Variants in KHDRBS2 observed in about 807,000 individuals in gnomAD.
The protein encoded by KHDRBS2 is KH domain-containing, RNA-binding, signal transduction-associated protein 2.
In KHDRBS2, 26 loss-of-function variants were observed where a neutral mutation model predicts 44.3. That is an observed-to-expected ratio of 0.59 (90% CI 0.43 to 0.81). The LOEUF (loss-of-function observed/expected upper bound fraction) is 0.81, where lower values mean the gene tolerates loss of function less well. Ranked by LOEUF, KHDRBS2 falls within the 40% of genes least tolerant of loss-of-function variation. KHDRBS2 has a pLI of 0.00. For synonymous variants in KHDRBS2, 194 were observed against 151.1 expected (o/e 1.28, Z -2.08); for missense variants, 476 against 433.1 (o/e 1.10, Z -0.88).
At chr6:61,648,702 G>T in the KHDRBS2 span, among the ~76,000 whole-genome samples, 1 of 152,134 alleles carries the variant, frequency 6.6e-6, no homozygotes, top group Non-Finnish European at 1.5e-5. Flanking sequence ...ACTGGGGAGG[G>T]AAGGAGACAG....
At chr6:61,553,346 C>T in the KHDRBS2 span, among the ~76,000 whole-genome samples, 6 of 151,886 alleles carry the variant, frequency 4.0e-5, no homozygotes, top group Admixed American at 1.3e-4. Flanking sequence ...TAAGTGGTAA[C>T]ATCCCGTTTG....
In KHDRBS2 at chr6:62,198,215, G is replaced by A. The variant is rs544155282; in HGVS notation, c.92-20903C>T. On this transcript the variant is annotated intron_variant, in intron 1 of 8. Coordinates refer to ENST00000281156, the MANE Select transcript of KHDRBS2 (RefSeq NM_152688.4). ...GAGCAAACACATTCAAAAGCCAGCC[G>A]AAGGCAATAAATAACTAAGATCAGA... Among the ~76,000 whole-genome samples, 5 of 152,054 alleles carry A rather than the reference G, an allele frequency of 3.3e-5. No homozygotes were observed. The East Asian group carries it at 5.8e-4, about 18-fold the overall frequency.
At chr6:62,165,590 A>G (rs1019749483) in intron 2 of KHDRBS2, among the ~76,000 whole-genome samples, 5 of 151,920 alleles carry the variant, frequency 3.3e-5, no homozygotes, top group African/African-American at 1.2e-4. Context: ...GTAATTTACT[A>G]TGCTGATAGA....
chr6:61,928,337 A>C (rs1162674671), intron 4 of KHDRBS2, among the ~76,000 whole-genome samples: 1 of 152,108 alleles, frequency 6.6e-6, no homozygotes, highest in Non-Finnish European at 1.5e-5. Context: ...AAGAGGAAAT[A>C]ATTCCTTATT....
At chr6:61,599,825 C>G in the KHDRBS2 span, among the ~76,000 whole-genome samples, 1 of 152,292 alleles carries the variant, frequency 6.6e-6, no homozygotes, top group East Asian at 1.9e-4. Context: ...TGGAAAGAAC[C>G]TGAAAATCAG....
At chr6:62,069,941 T>C (rs1474722290) in intron 2 of KHDRBS2, among the ~76,000 whole-genome samples, 4 of 151,830 alleles carry the variant, frequency 2.6e-5, no homozygotes, top group Admixed American at 6.6e-5. Flanking sequence ...CATTGATGGA[T>C]ACCCTTTCTC....
chr6:61,865,730 C>T (rs1346772367), intron 6 of KHDRBS2, among the ~76,000 whole-genome samples: 4 of 152,210 alleles, frequency 2.6e-5, no homozygotes, highest in Non-Finnish European at 5.9e-5. Flanking sequence ...AGTCCACAGT[C>T]CAAAGTCTCA....
chr6:62,277,997 T>G (rs1253152724), intron 1 of KHDRBS2, among the ~76,000 whole-genome samples: 1 of 152,182 alleles, frequency 6.6e-6, no homozygotes, highest in African/African-American at 2.4e-5. Flanking sequence ...TATGGATATT[T>G]GCTAACATTA....
chr6:61,671,427 T>C, the KHDRBS2 span, among the ~76,000 whole-genome samples: 2 of 151,674 alleles, frequency 1.3e-5, no homozygotes, highest in African/African-American at 2.4e-5. Context: ...TGGTAGTATA[T>C]GAATCAGACA....
chr6:61,690,536 T>G (rs1018608804), intron 8 of KHDRBS2, among the ~76,000 whole-genome samples: 1 of 152,072 alleles, frequency 6.6e-6, no homozygotes, highest in Non-Finnish European at 1.5e-5. Flanking sequence ...TTTTGTTGAC[T>G]CTACCTGTTG....
chr6:61,817,007 T>C (rs1263084346), intron 6 of KHDRBS2: 1 of 455,786 alleles, frequency 2.2e-6, no homozygotes, highest in Non-Finnish European at 4.4e-6. Flanking sequence ...TAATGATGGC[T>C]GAAACATTAA....
At chr6:61,834,311 A>G (rs1792306532) in intron 6 of KHDRBS2, among the ~76,000 whole-genome samples, 2 of 152,142 alleles carry the variant, frequency 1.3e-5, no homozygotes, top group Non-Finnish European at 2.9e-5. Flanking sequence ...ACTTTCTTCA[A>G]TATTGTTATT....
At chr6:61,707,004 G>C (rs1392728231) in intron 7 of KHDRBS2, among the ~76,000 whole-genome samples, 1 of 151,744 alleles carries the variant, frequency 6.6e-6, no homozygotes, top group African/African-American at 2.4e-5. Flanking sequence ...ATCTGGAAGG[G>C]GGAACATTAA....
intron 6 of KHDRBS2, among the ~76,000 whole-genome samples, chr6:61,771,060 C>T (rs1461922727): frequency 2.6e-5 from 4 of 152,122 alleles, no homozygotes; most frequent in African/African-American, 7.2e-5. Flanking sequence ...GAATTTTCAA[C>T]CCAGATTTTC....
chr6:62,260,204 C>T (rs1838114003), intron 1 of KHDRBS2, among the ~76,000 whole-genome samples: 1 of 151,964 alleles, frequency 6.6e-6, no homozygotes, highest in African/African-American at 2.4e-5. Flanking sequence ...CACCAGTTAC[C>T]TGCCTTTTAT....
intron 1 of KHDRBS2, among the ~76,000 whole-genome samples, chr6:62,196,735 T>C (rs1162169912): frequency 1.3e-5 from 2 of 152,056 alleles, no homozygotes; most frequent in African/African-American, 2.4e-5. Flanking sequence ...CAAACTTAAA[T>C]AGGCCCTGGA....
intron 3 of KHDRBS2, among the ~76,000 whole-genome samples, chr6:62,009,685 C>T (rs1191878089): frequency 2.6e-5 from 4 of 152,276 alleles, no homozygotes; most frequent in African/African-American, 9.6e-5. Flanking sequence ...CCCTGCCACT[C>T]CAGCTGTGGC....
At chr6:61,831,111 C>T (rs1050881093) in intron 6 of KHDRBS2, among the ~76,000 whole-genome samples, 3 of 152,078 alleles carry the variant, frequency 2.0e-5, no homozygotes, top group African/African-American at 7.2e-5. Context: ...CAGTGCTTTT[C>T]TTCTTTTTGA....
At chr6:62,094,229 T>C (rs986559703) in intron 2 of KHDRBS2, among the ~76,000 whole-genome samples, 5 of 151,900 alleles carry the variant, frequency 3.3e-5, no homozygotes, top group African/African-American at 1.2e-4. Flanking sequence ...ATAGTATCCA[T>C]TCTAACAGAA....
Sources: gnomAD v4.1 joint callset for allele counts (sites outside exome capture counted in the v4.1 genomes callset) on GRCh38, gnomAD v4.1.1 for gene constraint, MANE v1.5 for transcripts, NCBI Gene and HGNC (gene_info 2026-07-23, HGNC 2026-07-21) for gene names.